Variants in FBXW9 observed in about 807,000 individuals in gnomAD.
FBXW9 encodes F-box and WD repeat domain containing 9, also known as F-box/WD repeat-containing protein 9.
In FBXW9, 38 loss-of-function variants were observed where a neutral mutation model predicts 55.8. That is an observed-to-expected ratio of 0.68 (90% CI 0.53 to 0.89). The LOEUF is 0.89. FBXW9 is among the 40% of genes least tolerant of loss of function. The pLI is 0.00. For missense variants in FBXW9, 590 were observed against 619.4 expected, an observed-to-expected ratio of 0.95 and a Z score of 0.50; for synonymous variants, 289 against 278.2, an observed-to-expected ratio of 1.04 and a Z score of -0.38.
At chr19:12,692,667 G>C (rs1488748012) in intron 3 of FBXW9, among the ~76,000 whole-genome samples, 2 of 151,810 alleles carry the variant, frequency 1.3e-5, no homozygotes, top group East Asian at 3.9e-4. Flanking sequence ...GACTACAGGT[G>C]CCCACGCACC....
intron 3 of FBXW9, 87 bp downstream of exon 3, chr19:12,694,507 T>G (rs2025049862): frequency 1.4e-6 from 2 of 1,417,704 alleles, no homozygotes; most frequent in South Asian, 2.8e-5. Flanking sequence ...CAGATTCAAA[T>G]CTATGCGGTC....
rs143596846 is a variant in FBXW9 at position 12,691,195 on chromosome 19, T to C, written c.854A>G (p.Asp285Gly). Residue 285 changes from aspartate to glycine, a missense_variant, in exon 5 of 10, where the codon GAC becomes GGC. Asp to Gly is a moderately conservative substitution (Grantham distance 94). Coordinates refer to ENST00000393261, the MANE Select transcript of FBXW9 (RefSeq NM_032301.3). The stretch of plus-strand genomic sequence containing the variant: ...GGGGTCGTAGATGGTCACCTTCTTG[T>C]CATAGGTGCCAGTCACCAGGATGTC... ...LPDILVTGTYDKKVTIYDPRA... is the reference protein window; with the variant it reads ...LPDILVTGTYGKKVTIYDPRA... The C allele has an allele frequency of 1.3e-3, 2,154 of 1,614,114 alleles. 2 individuals are homozygous for C. The highest frequency in any genetic ancestry group is 1.7e-3 in the Non-Finnish European group (2,039 of 1,180,000).
rs551316112 is a variant in FBXW9, at chr19:12,690,914, C to G, written c.883+252G>C. On this transcript the variant is annotated intron_variant, in intron 5 of 9. Coordinates refer to ENST00000393261, the MANE Select transcript of FBXW9 (RefSeq NM_032301.3). ...ATCTGGATTTCAAAGATGGGGAAAC[C>G]GAGGTTCAAGCTTGTCTGGAGGTCA... is the stretch of plus-strand genomic sequence containing the variant. Among the ~76,000 whole-genome samples the G allele has an allele frequency of 4.6e-5, 7 of 152,274 alleles. No individual in the cohort carries two copies. In the East Asian group the frequency reaches 1.2e-3, roughly 25 times the overall value.
chr19:12,696,246 G>T lies in FBXW9; in HGVS notation c.336C>A (p.Asp112Glu). 6.4e-7 allele frequency: 1 copy of T among 1,565,088 alleles called. No homozygotes were observed. The highest frequency in any genetic ancestry group is 1.2e-5 in the South Asian group (1 of 85,914). Residue 112 changes from aspartate (D) to glutamate (E), a missense_variant, in exon 1 of 10, where the codon GAC (aspartate) becomes GAA (glutamate). Coordinates refer to ENST00000393261, the MANE Select transcript of FBXW9 (RefSeq NM_032301.3). The part of the protein sequence containing the change: ...VLSRVCHALR[D>E]LVSDHVTWRL... ...TCCAGGTGACATGGTCAGACACGAG[G>T]TCGCGGAGCGCGTGGCACACCCGCG...
Position 12,696,536 on chromosome 19 carries a change from C to A in FBXW9, c.46G>T (p.Asp16Tyr). ...GRCDDSRTWD[D>Y]DSDPESETDP... ...GTCTCTGACTCTGGGTCCGAGTCAT[C>A]GTCCCAGGTGCGGGAATCATCGCAC... is the stretch of plus-strand genomic sequence containing the variant. Residue 16 changes from aspartate to tyrosine, a missense_variant, in exon 1 of 10, where the codon GAT becomes TAT. Transcript: ENST00000393261. 2 of 1,612,514 alleles carry A rather than the reference C, an allele frequency of 1.2e-6. No homozygotes were observed. The highest frequency in any genetic ancestry group is 1.1e-5 in the South Asian group (1 of 91,074).
Position 12,689,885 on chromosome 19 carries a change from G to C in FBXW9, c.1033-11C>G. The C allele has an allele frequency of 6.2e-7, 1 of 1,613,602 alleles. No homozygotes were observed. The highest frequency in any genetic ancestry group is 1.1e-5 in the South Asian group (1 of 91,072). ...CAGGTAGGAGTCCAGCTACGAGAGG[G>C]ACAAGGGACGGGACAGCTCAGGCCG... On this transcript the variant is annotated splice_polypyrimidine_tract_variant and intron_variant, in intron 6 of 9. Coordinates refer to ENST00000393261, the MANE Select transcript of FBXW9 (RefSeq NM_032301.3). This position sits in a 1 kb window ranked among gnomAD's most constrained non-coding sequence, Gnocchi z 5.9.
At position 12,690,129 on chromosome 19, in the gene FBXW9, G is replaced by A. The variant is rs761887473; in HGVS notation, c.884-19C>T. On this transcript the variant is annotated intron_variant, in intron 5 of 9. Transcript: ENST00000393261. ...GGGCCGGCTTCATGGGTGATGGGCC[G>A]GTGAGGAGGGATATCAGAGCCCCTC... The A allele has an allele frequency of 1.9e-5, 30 of 1,612,916 alleles. No homozygotes were observed. The highest frequency in any genetic ancestry group is 6.7e-5 in the East Asian group (3 of 44,876).
Position 12,694,832 on chromosome 19 carries a change from G to A in FBXW9, c.516C>T (p.His172=), listed in dbSNP as rs1365581195. Residue 172 remains histidine (H), a synonymous_variant, in exon 2 of 10, where the codon CAC becomes CAT. Coordinates refer to ENST00000393261, the MANE Select transcript of FBXW9 (RefSeq NM_032301.3). The part of the protein sequence containing the change: ...WVEYFCLAEG[H]VASVDSVLLL... The stretch of plus-strand genomic sequence containing the variant: ...GCAGCACTGAGTCAACGGAAGCCAC[G>A]TGGCCTTCGGCCAGGCAGAAGTATT... 1.9e-6 allele frequency: 3 copies of A among 1,613,992 alleles called. No homozygotes were observed. Among genetic ancestry groups the A allele is most frequent in the African/African-American group, 2.7e-5 (2 of 74,950 alleles).
chr19:12,689,384 A>C lies in FBXW9; in HGVS notation c.1290T>G (p.Asn430Lys), dbSNP rs770223532. 1.2e-6 allele frequency: 2 copies of C among 1,614,130 alleles called. No homozygotes were observed. Among genetic ancestry groups the C allele is most frequent in the Admixed American group, 3.3e-5 (2 of 60,016 alleles). The change falls in exon 9 of 10, where the codon AAT (asparagine) becomes AAG (lysine). Residue 430 changes from asparagine to lysine, a missense_variant. Coordinates refer to ENST00000393261, the MANE Select transcript of FBXW9 (RefSeq NM_032301.3). The surrounding 1 kb of genome is among the most constrained non-coding windows in gnomAD (Gnocchi z 5.9). ...PRTICTRRHD[N>K]GLNRVCAEGN... Reference sequence around the variant, plus strand: ...GGCAGGACCTTACCCTATTGAGCCCATTGTCATGCCTTCGGGTGCAAATGG... The same window carrying C: ...GGCAGGACCTTACCCTATTGAGCCCCTTGTCATGCCTTCGGGTGCAAATGG...
intron 5 of FBXW9, 53 bp from the exon 6 acceptor site, chr19:12,690,163 C>A: frequency 1.2e-6 from 2 of 1,609,294 alleles, no homozygotes; most frequent in Non-Finnish European, 1.7e-6. Flanking sequence ...TCGAAGGCCC[C>A]CCCCAGCCCA....
rs142935382 is a variant in FBXW9 at position 12,689,980 on chromosome 19, G to A, written c.1014C>T (p.Ser338=). Residue 338 remains serine (S), a synonymous_variant, in exon 6 of 10, where the codon AGC becomes AGT. Coordinates refer to ENST00000393261, the MANE Select transcript of FBXW9 (RefSeq NM_032301.3). The surrounding 1 kb of genome is among the most constrained non-coding windows in gnomAD (Gnocchi z 5.9). The part of the protein sequence containing the change: ...TLVVVDRRAN[S]VLQRLQLDSY... ...GGCCCACCTGCAGACGCTGCAGGAC[G>A]CTGTTGGCTCGGCGGTCCACCACCA... 2.6e-4 allele frequency: 418 copies of A among 1,613,844 alleles called. No homozygotes were observed. Among genetic ancestry groups the A allele is most frequent in the African/African-American group, 1.7e-3 (131 of 74,986 alleles).
intron 5 of FBXW9, among the ~76,000 whole-genome samples, 178 bp downstream of exon 5, chr19:12,690,988 G>T (rs1439406500): frequency 6.6e-6 from 1 of 152,176 alleles, no homozygotes; most frequent in Non-Finnish European, 1.5e-5. Context: ...CCCCAGGGCT[G>T]CCCAAGCTTC....
Position 12,696,572 on chromosome 19 carries a change from G to A in FBXW9, c.10C>T (p.Pro4Ser), listed in dbSNP as rs748802024. Reference sequence around the variant, plus strand: ...CGGGAATCATCGCACCGCCCTAGGGGAAGCTCCATTGCGACCGGGTGGGCG... The same window carrying A: ...CGGGAATCATCGCACCGCCCTAGGGAAAGCTCCATTGCGACCGGGTGGGCG... The part of the protein sequence containing the change: MEL[P>S]LGRCDDSRTW... Residue 4 changes from proline (P) to serine (S), a missense_variant, in exon 1 of 10, where the codon CCC becomes TCC. Physicochemically the swap from Pro to Ser is moderately conservative, Grantham distance 74. Coordinates refer to ENST00000393261, the MANE Select transcript of FBXW9 (RefSeq NM_032301.3). 1.3e-5 allele frequency: 21 copies of A among 1,609,780 alleles called. No individual in the cohort carries two copies. Among genetic ancestry groups the A allele is most frequent in the Middle Eastern group, 1.6e-4 (1 of 6,076 alleles).
chr19:12,692,155 G>C (rs955947949), intron 3 of FBXW9, among the ~76,000 whole-genome samples: 5 of 151,566 alleles, frequency 3.3e-5, no homozygotes, highest in Non-Finnish European at 5.9e-5. Flanking sequence ...CACATCCCAG[G>C]CTCAAGCAAT....
At position 12,691,104 on chromosome 19, in the gene FBXW9, C is replaced by G. The variant is rs1037396369; in HGVS notation, c.883+62G>C. On this transcript the variant is annotated intron_variant, in intron 5 of 9. Transcript: ENST00000393261. ...CTATGACCCCAGCCAGGCTGTGAAG[C>G]CCCAGTGTCTCCTTCCCTAACATGA... 2.9e-6 allele frequency: 4 copies of G among 1,386,812 alleles called. No individual in the cohort carries two copies. In the African/African-American group the frequency reaches 5.7e-5, roughly 20 times the overall value. The allele number at this position is 1,386,812 out of a possible 1,614,324, so 85.9% of individuals were successfully genotyped here.
intron 5 of FBXW9, among the ~76,000 whole-genome samples, chr19:12,690,435 C>T (rs1002676136): frequency 3.3e-5 from 5 of 152,120 alleles, no homozygotes; most frequent in Admixed American, 6.6e-5. Flanking sequence ...CCCGCAGCCC[C>T]GCTCCAGCTC....
In FBXW9 at chr19:12,691,336, A is replaced by C. The variant is rs2025005087; in HGVS notation, c.791+6T>G. On this transcript the variant is annotated splice_donor_region_variant and intron_variant, in intron 4 of 9. Coordinates refer to ENST00000393261, the MANE Select transcript of FBXW9 (RefSeq NM_032301.3). Reference sequence around the variant, plus strand: ...CCGCAGGCCCCCTGCCCAGGCCCCCACACACTTTATCTCGCCGAACTGCTG... The same window carrying C: ...CCGCAGGCCCCCTGCCCAGGCCCCCCCACACTTTATCTCGCCGAACTGCTG... 1 of 1,613,696 alleles carries C rather than the reference A, an allele frequency of 6.2e-7. No individual in the cohort carries two copies. The highest frequency in any genetic ancestry group is 1.1e-5 in the South Asian group (1 of 91,078).
chr19:12,688,995 G>C lies in FBXW9; in HGVS notation c.*221C>G. The C allele has an allele frequency of 1.4e-6, 1 of 695,492 alleles. No individual in the cohort carries two copies. Among genetic ancestry groups the C allele is most frequent in the Non-Finnish European group, 2.6e-6 (1 of 380,394 alleles). The allele number at this position is 695,492 out of a possible 1,614,324, so 43.1% of individuals were successfully genotyped here. A position where few individuals can be genotyped will look rare whatever the true frequency, so the allele number is the denominator to read the frequency against. ...GCATCCAAATCATAACAAAACCAGG[G>C]CCCAAGAGTGGGAAGCGGCCCCCTG... On this transcript the variant is annotated 3_prime_UTR_variant, in exon 10 of 10. Transcript: ENST00000393261.
intron 3 of FBXW9, among the ~76,000 whole-genome samples, chr19:12,692,931 C>G (rs1414078961): frequency 6.6e-6 from 1 of 152,156 alleles, no homozygotes; most frequent in East Asian, 1.9e-4. Context: ...TGTGACCTGG[C>G]AAACCATATC....
Sources: gnomAD v4.1 joint callset for allele counts (sites outside exome capture counted in the v4.1 genomes callset) on GRCh38, gnomAD v4.1.1 for gene constraint, Gnocchi (gnomAD v3.1) non-coding constraint, MANE v1.5 for transcripts, NCBI Gene and HGNC (gene_info 2026-07-23, HGNC 2026-07-21) for gene names.